Variants in TRIML1 observed in about 807,000 individuals in gnomAD.
TRIML1 encodes tripartite motif family like 1.
A neutral mutation model predicts 32.3 loss-of-function variants in TRIML1; 34 were observed. The observed-to-expected ratio is 1.05, with a 90% CI of 0.80 to 1.40. TRIML1 has a LOEUF of 1.40. Among genes scored for constraint, TRIML1 ranks in the 40% most tolerant of loss-of-function variants. The pLI is 0.00. For missense variants in TRIML1, 595 were observed against 574.9 expected, an observed-to-expected ratio of 1.03 and a Z score of -0.36; for synonymous variants, 244 against 226.6, an observed-to-expected ratio of 1.08 and a Z score of -0.69.
intron 2 of TRIML1, chr4:188,140,833 T>C: frequency 2.0e-6 from 1 of 490,556 alleles, no homozygotes; most frequent in Non-Finnish European, 3.6e-6. Context: ...AGGAGCCTCC[T>C]TTGCATAACT....
intron 1 of TRIML1, 91 bp from the exon 2 acceptor site, chr4:188,140,437 A>C: frequency 3.0e-6 from 3 of 1,006,260 alleles, no homozygotes; most frequent in Non-Finnish European, 4.6e-6. Flanking sequence ...TTTGTTTTAG[A>C]GGCCTAGGAC....
At chr4:188,150,592 C>A (rs975553745), downstream of TRIML1, among the ~76,000 whole-genome samples, 4 of 152,064 alleles carry the variant, frequency 2.6e-5, no homozygotes, top group African/African-American at 9.7e-5. Flanking sequence ...ATACATTTTA[C>A]TTTGTGGGCA....
In TRIML1 at chr4:188,144,125, A is replaced by G; in HGVS notation, c.848A>G (p.Lys283Arg). The G allele has an allele frequency of 1.2e-6, 2 of 1,613,828 alleles. No individual in the cohort carries two copies. The highest frequency in any genetic ancestry group is 1.7e-6 in the Non-Finnish European group (2 of 1,179,914). The change falls in exon 5 of 6, where the codon AAA (lysine) becomes AGA (arginine). Residue 283 changes from lysine to arginine, a missense_variant. Coordinates refer to ENST00000332517, the MANE Select transcript of TRIML1 (RefSeq NM_178556.5). ...RITGMKEMLRKFSTEITLDPA... is the reference protein window; with the variant it reads ...RITGMKEMLRRFSTEITLDPA... ...ACGGGAATGAAGGAGATGCTAAGAA[A>G]ATTCAGCAGTAAGTCAGCCTGATTT... is the stretch of plus-strand genomic sequence containing the variant.
intron 5 of TRIML1, among the ~76,000 whole-genome samples, chr4:188,144,657 C>T (rs1284004928): frequency 2.0e-5 from 3 of 152,092 alleles, no homozygotes; most frequent in Non-Finnish European, 4.4e-5. Flanking sequence ...CCACTGCGCC[C>T]AGCCAATCCT....
intron 1 of TRIML1, among the ~76,000 whole-genome samples, chr4:188,140,192 G>A (rs1350823483): frequency 3.3e-5 from 5 of 151,202 alleles, no homozygotes; most frequent in African/African-American, 4.9e-5. Flanking sequence ...TGCGATCTCA[G>A]TCACTGCAAC....
In TRIML1 at chr4:188,140,597, G is replaced by A; in HGVS notation, c.478G>A (p.Glu160Lys). Residue 160 changes from glutamate to lysine, a missense_variant, in exon 2 of 6, where the codon GAG becomes AAG. By Grantham distance (56) the Glu-to-Lys change is moderately conservative. Transcript: ENST00000332517. The part of the protein sequence containing the change: ...RKEAQAVLTH[E>K]KERVKLCQEE... ...GGAAGCTCAGGCTGTACTAACCCAT[G>A]AGAAGGAGAGAGTGAAACTGTGCCA... 1.2e-6 allele frequency: 2 copies of A among 1,613,942 alleles called. No homozygotes were observed. The highest frequency in any genetic ancestry group is 1.7e-6 in the Non-Finnish European group (2 of 1,179,852).
rs540496700 is a variant in TRIML1 at position 188,139,897 on chromosome 4, C to T, written c.339C>T (p.Ser113=). ...KALSDDEQGG[S]AFVAQSHGAN... ...TCTCCGATGACGAGCAGGGTGGAAG[C>T]GCCTTCGTAGCCCAGAGCCATGGTG... The change falls in exon 1 of 6, where the codon AGC becomes AGT. Residue 113 remains serine (S), a synonymous_variant. Coordinates refer to ENST00000332517, the MANE Select transcript of TRIML1 (RefSeq NM_178556.5). 7.4e-6 allele frequency: 12 copies of T among 1,613,844 alleles called. No homozygotes were observed. The highest frequency in any genetic ancestry group is 1.7e-4 in the Middle Eastern group (1 of 6,058).
At chr4:188,145,705 T>C (rs1459044143) in intron 5 of TRIML1, among the ~76,000 whole-genome samples, 1 of 151,936 alleles carries the variant, frequency 6.6e-6, no homozygotes, top group Non-Finnish European at 1.5e-5. Flanking sequence ...ACAAGACTAC[T>C]ACTCGGGAGG....
At chr4:188,140,749 T>G (rs1377766173) in intron 2 of TRIML1, 126 bp downstream of exon 2, 1 of 687,878 alleles carries the variant, frequency 1.5e-6, no homozygotes, top group Non-Finnish European at 2.5e-6. Flanking sequence ...AATATGCAGT[T>G]TCCTTGCATT....
intron 5 of TRIML1, 57 bp downstream of exon 5, chr4:188,144,190 C>A: frequency 7.0e-7 from 1 of 1,431,084 alleles, no homozygotes; most frequent in Non-Finnish European, 9.7e-7. Context: ...TTCAGCATAC[C>A]TTCTTCCAGT....
In TRIML1 at chr4:188,147,178, T is replaced by G; in HGVS notation, c.1213T>G (p.Cys405Gly). 6.2e-7 allele frequency: 1 copy of G among 1,614,018 alleles called. No individual in the cohort carries two copies. Among genetic ancestry groups the G allele is most frequent in the Non-Finnish European group, 8.5e-7 (1 of 1,179,988 alleles). ...LKGQHVREPV[C>G]KVGVFLDYES... ...AGGTCAGCACGTCAGAGAGCCTGTG[T>G]GTAAGGTTGGTGTCTTCCTGGACTA... Residue 405 changes from cysteine (C) to glycine (G), a missense_variant, in exon 6 of 6, where the codon TGT (cysteine) becomes GGT (glycine). By Grantham distance (159) the Cys-to-Gly change is radical. Coordinates refer to ENST00000332517, the MANE Select transcript of TRIML1 (RefSeq NM_178556.5).
chr4:188,147,910 C>T (rs1735149531), downstream of TRIML1, among the ~76,000 whole-genome samples: 1 of 152,132 alleles, frequency 6.6e-6, no homozygotes, highest in Non-Finnish European at 1.5e-5. Flanking sequence ...TCCCATGAGC[C>T]TGCAGTGTTT....
chr4:188,137,867 C>A (rs1734708705), upstream of TRIML1, among the ~76,000 whole-genome samples: 1 of 151,788 alleles, frequency 6.6e-6, no homozygotes, highest in Non-Finnish European at 1.5e-5. Context: ...CCCACCTCGG[C>A]CTCCCAAACT....
downstream of TRIML1, among the ~76,000 whole-genome samples, chr4:188,149,970 C>A (rs756358041): frequency 1.3e-5 from 2 of 151,650 alleles, no homozygotes; most frequent in Non-Finnish European, 2.9e-5. Context: ...CCATGCCCAG[C>A]TAATTTTTCT....
chr4:188,149,031 A>C (rs1376114940), downstream of TRIML1, among the ~76,000 whole-genome samples: 1 of 147,550 alleles, frequency 6.8e-6, no homozygotes, highest in African/African-American at 2.5e-5. Flanking sequence ...CTCCTGCCTC[A>C]GCCTCCCGAG....
intron 5 of TRIML1, among the ~76,000 whole-genome samples, 177 bp from the exon 6 acceptor site, chr4:188,146,645 T>C (rs536037725): frequency 3.3e-5 from 5 of 152,256 alleles, no homozygotes; most frequent in Non-Finnish European, 5.9e-5. Flanking sequence ...CCTGACCTTG[T>C]GATCTGCCTG....
intron 2 of TRIML1, among the ~76,000 whole-genome samples, chr4:188,141,257 T>C (rs1480643309): frequency 1.5e-5 from 2 of 136,770 alleles, no homozygotes; most frequent in Non-Finnish European, 3.0e-5. Context: ...AACCTCCACC[T>C]CCCGGGTTCA....
intron 5 of TRIML1, among the ~76,000 whole-genome samples, chr4:188,145,028 G>C (rs952973304): frequency 6.6e-6 from 1 of 152,110 alleles, no homozygotes; most frequent in Non-Finnish European, 1.5e-5. Context: ...ACAATGATAA[G>C]TAAGGCAGAT....
At chr4:188,141,478 T>C (rs769939233) in intron 2 of TRIML1, among the ~76,000 whole-genome samples, 28 of 152,266 alleles carry the variant, frequency 1.8e-4, no homozygotes, top group South Asian at 6.2e-4. Context: ...AGACTTTGAA[T>C]TCTTAAGTGA....
Sources: gnomAD v4.1 joint callset for allele counts (sites outside exome capture counted in the v4.1 genomes callset) on GRCh38, gnomAD v4.1.1 for gene constraint, MANE v1.5 for transcripts, NCBI Gene and HGNC (gene_info 2026-07-23, HGNC 2026-07-21) for gene names.